The following BBS12 variants were observed in gnomAD, a reference collection of about 807,000 sequenced individuals.
BBS12 encodes Bardet-Biedl syndrome 12, also known as chaperonin-containing T-complex member BBS12.
BBS12 carries 5 observed loss-of-function variants against 5.6 expected under a neutral mutation model. The observed-to-expected ratio is 0.89, with a 90% CI of 0.46 to 1.86. BBS12 has a LOEUF of 1.86. BBS12 is among the 40% of genes most tolerant of loss of function. The probability of loss-of-function intolerance (pLI) is 0.01; values close to 1 mark genes in which losing one functional copy is unlikely to be tolerated. For missense variants in BBS12, 748 were observed against 830.4 expected, an observed-to-expected ratio of 0.90 and a Z score of 1.22; for synonymous variants, 308 against 306.8, an observed-to-expected ratio of 1.00 and a Z score of -0.04.
rs772431600 is a variant in BBS12 at position 122,742,002 on chromosome 4, A to G, written c.110A>G (p.Lys37Arg). 6 of 1,613,232 alleles carry G rather than the reference A, an allele frequency of 3.7e-6. No homozygotes were observed. Among genetic ancestry groups the G allele is most frequent in the South Asian group, 2.2e-5 (2 of 91,030 alleles). Residue 37 changes from lysine (K) to arginine (R), a missense_variant, in exon 2 of 2, where the codon AAA becomes AGA. Transcript: ENST00000314218. ...TTCCTAGGCCCACTAAAATCATCCAAATTTATTATAGATGAAGAATGTCAT... is the reference window on the plus strand; with the variant it reads ...TTCCTAGGCCCACTAAAATCATCCAGATTTATTATAGATGAAGAATGTCAT... The part of the protein sequence containing the change: ...RTFLGPLKSS[K>R]FIIDEECHES...
the BBS12 span, among the ~76,000 whole-genome samples, chr4:122,724,437 G>T: frequency 6.6e-6 from 1 of 152,044 alleles, no homozygotes; most frequent in Non-Finnish European, 1.5e-5. Context: ...AATTTGTTTT[G>T]GAATTAAAGC....
the BBS12 span, among the ~76,000 whole-genome samples, chr4:122,719,002 GT>G: frequency 7.9e-5 from 12 of 152,124 alleles, no homozygotes; most frequent in African/African-American, 2.9e-4. Flanking sequence ...TATATTTTTC[GT>G]AGAGACAGAG....
chr4:122,734,913 A>C (rs775613673), intron 1 of BBS12, among the ~76,000 whole-genome samples: 50 of 152,294 alleles, frequency 3.3e-4, no homozygotes, highest in Non-Finnish European at 3.8e-4. Flanking sequence ...AAAACATTAA[A>C]CACATAGGCA....
chr4:122,721,572 T>G, the BBS12 span, among the ~76,000 whole-genome samples: 1 of 152,240 alleles, frequency 6.6e-6, no homozygotes, highest in Non-Finnish European at 1.5e-5. Context: ...TTGTCTATTA[T>G]GCCCTACTCA....
chr4:122,716,695 GTGTGTGTATA>G, the BBS12 span, among the ~76,000 whole-genome samples: 7,631 of 108,720 alleles, frequency 0.07, 895 homozygotes, highest in African/African-American at 0.29. Context: ...ATATGTGTAT[GTGTGTGTATA>G]CATACACATA....
the BBS12 span, among the ~76,000 whole-genome samples, chr4:122,712,375 G>A: frequency 6.6e-6 from 1 of 152,204 alleles, no homozygotes; most frequent in Non-Finnish European, 1.5e-5. Flanking sequence ...AGAGATCTGT[G>A]AAACTGTTCC....
At chr4:122,741,427 C>T (rs1276529776) in intron 1 of BBS12, among the ~76,000 whole-genome samples, 8 of 152,154 alleles carry the variant, frequency 5.3e-5, no homozygotes, top group South Asian at 2.1e-4. Flanking sequence ...CCTCGTGATC[C>T]GCCCGCCTCG....
At chr4:122,720,637 C>A in the BBS12 span, among the ~76,000 whole-genome samples, 2 of 152,046 alleles carry the variant, frequency 1.3e-5, no homozygotes, top group African/African-American at 4.8e-5. Context: ...ATGAGAGATA[C>A]ATGAAAAACA....
chr4:122,716,660 C>CATACACATATGTGTATAT, the BBS12 span, among the ~76,000 whole-genome samples: 1 of 59,624 alleles, frequency 1.7e-5, no homozygotes, highest in South Asian at 6.5e-4. Flanking sequence ...TGTATATGCA[C>CATACACATATGTGTATAT]ATACACATAT....
chr4:122,707,678 G>A, the BBS12 span, among the ~76,000 whole-genome samples: 1 of 152,266 alleles, frequency 6.6e-6, no homozygotes, highest in Admixed American at 6.5e-5. Flanking sequence ...CCCCTAGCCA[G>A]GCCAGTTGCA....
the BBS12 span, among the ~76,000 whole-genome samples, chr4:122,720,848 C>T: frequency 0.025 from 3,783 of 148,962 alleles, 74 homozygotes; most frequent in African/African-American, 0.051. Flanking sequence ...AGTTAAGTTG[C>T]TAATAAGACA....
chr4:122,719,784 C>A, the BBS12 span, among the ~76,000 whole-genome samples: 4 of 152,168 alleles, frequency 2.6e-5, no homozygotes, highest in African/African-American at 7.2e-5. Flanking sequence ...TGAGTTCAAG[C>A]CCAGGTTAGA....
At chr4:122,740,487 A>G (rs1800852404) in intron 1 of BBS12, among the ~76,000 whole-genome samples, 1 of 152,216 alleles carries the variant, frequency 6.6e-6, no homozygotes, top group South Asian at 2.1e-4. Context: ...TGTTCTGAGC[A>G]CTGCTCACGA....
chr4:122,726,509 CTG>C, the BBS12 span, among the ~76,000 whole-genome samples: 2 of 152,290 alleles, frequency 1.3e-5, no homozygotes, highest in East Asian at 3.9e-4. Context: ...ATGGAAAAAA[CTG>C]TGGAGATTCC....
chr4:122,738,802 C>G (rs751932682), intron 1 of BBS12, among the ~76,000 whole-genome samples: 107 of 152,248 alleles, frequency 7.0e-4, no homozygotes, highest in Non-Finnish European at 1.2e-3. Flanking sequence ...CAATGAAATA[C>G]CACTTCACAT....
At chr4:122,722,983 G>A in the BBS12 span, among the ~76,000 whole-genome samples, 1 of 152,054 alleles carries the variant, frequency 6.6e-6, no homozygotes, top group East Asian at 1.9e-4. Context: ...CCCTTACGCT[G>A]TTCACAGAAA....
At chr4:122,708,782 C>T in the BBS12 span, among the ~76,000 whole-genome samples, 1 of 151,664 alleles carries the variant, frequency 6.6e-6, no homozygotes, top group African/African-American at 2.4e-5. Context: ...CACATTGTGC[C>T]CCGTACATGT....
intron 1 of BBS12, among the ~76,000 whole-genome samples, chr4:122,735,054 G>A (rs543897310): frequency 1.3e-4 from 20 of 152,192 alleles, no homozygotes; most frequent in Non-Finnish European, 2.6e-4. Flanking sequence ...ATTAGTGGGG[G>A]AGCTAGACAC....
the BBS12 span, among the ~76,000 whole-genome samples, chr4:122,702,922 T>C: frequency 6.6e-6 from 1 of 152,236 alleles, no homozygotes; most frequent in African/African-American, 2.4e-5. Flanking sequence ...GAATATTATA[T>C]AGGAGAATTA....
Sources: gnomAD v4.1 joint callset for allele counts (sites outside exome capture counted in the v4.1 genomes callset) on GRCh38, gnomAD v4.1.1 for gene constraint, MANE v1.5 for transcripts, NCBI Gene and HGNC (gene_info 2026-07-23, HGNC 2026-07-21) for gene names.